The following ALDH1L1 variants were observed in gnomAD, a reference collection of about 807,000 sequenced individuals.
ALDH1L1 encodes aldehyde dehydrogenase 1 family member L1, also known as cytosolic 10-formyltetrahydrofolate dehydrogenase.
A neutral mutation model predicts 101.1 loss-of-function variants in ALDH1L1; 68 were observed. The observed-to-expected ratio is 0.67, with a 90% confidence interval of 0.55 to 0.82. The LOEUF (loss-of-function observed/expected upper bound fraction) is 0.82, where lower values mean the gene tolerates loss of function less well. Among genes scored for constraint, ALDH1L1 ranks in the 40% least tolerant of loss-of-function variants. The pLI, the probability that ALDH1L1 is intolerant of heterozygous loss-of-function variation, is 0.00. For synonymous variants in ALDH1L1, 486 were observed against 470.8 expected (o/e 1.03, Z -0.42); for missense variants, 1,087 against 1,172.7 (o/e 0.93, Z 1.07).
intron 1 of ALDH1L1, among the ~76,000 whole-genome samples, chr3:126,189,296 A>T (rs905292310): frequency 3.3e-5 from 5 of 152,214 alleles, no homozygotes; most frequent in African/African-American, 1.2e-4. Flanking sequence ...AGTAGGCATA[A>T]ACGAGGAAAA....
At chr3:126,174,765 A>C (rs1030868923) in intron 1 of ALDH1L1, among the ~76,000 whole-genome samples, 20 of 152,214 alleles carry the variant, frequency 1.3e-4, no homozygotes, top group Non-Finnish European at 2.5e-4. Flanking sequence ...GTTTAGAGGG[A>C]AATTTAGAGC....
intron 14 of ALDH1L1, chr3:126,129,952 T>C (rs541971100): frequency 3.5e-6 from 1 of 285,532 alleles, no homozygotes; most frequent in Non-Finnish European, 6.5e-6. Context: ...TTATGAACAC[T>C]GACCACCATA....
chr3:126,106,636 G>A (rs1361010351), intron 21 of ALDH1L1, among the ~76,000 whole-genome samples: 1 of 152,176 alleles, frequency 6.6e-6, no homozygotes. Context: ...GGAACCAGGT[G>A]CCTCGGCAAC....
chr3:126,163,345 T>C (rs2081100931), intron 1 of ALDH1L1, among the ~76,000 whole-genome samples: 1 of 152,218 alleles, frequency 6.6e-6, no homozygotes, highest in Non-Finnish European at 1.5e-5. Flanking sequence ...TCATACTGTG[T>C]AGATTCTTTG....
At chr3:126,181,010 G>C (rs139632792), upstream of ALDH1L1, 96 of 1,604,716 alleles carry the variant, frequency 6.0e-5, no homozygotes, top group East Asian at 1.9e-3. Context: ...GCTGCCCTCC[G>C]GGAATTTGCA....
chr3:126,105,176 G>A (rs572428273), intron 22 of ALDH1L1: 23 of 186,016 alleles, frequency 1.2e-4, no homozygotes, highest in South Asian at 2.3e-4. Context: ...GTGTTCACCC[G>A]GGGGTACATT....
intron 1 of ALDH1L1, among the ~76,000 whole-genome samples, chr3:126,172,531 G>A (rs1260430342): frequency 1.3e-5 from 2 of 152,148 alleles, no homozygotes; most frequent in Non-Finnish European, 2.9e-5. Flanking sequence ...AAACTGAAAT[G>A]CAAAGGGAAA....
intron 22 of ALDH1L1, chr3:126,104,190 A>T: frequency 3.0e-6 from 1 of 336,228 alleles, no homozygotes; most frequent in Non-Finnish European, 5.5e-6. Context: ...CTCTTCTCTC[A>T]TGGCTGCCCC....
chr3:126,160,686 GC>G (rs749463725), intron 2 of ALDH1L1, among the ~76,000 whole-genome samples, 166 bp downstream of exon 2: 3 of 152,236 alleles, frequency 2.0e-5, no homozygotes, highest in Non-Finnish European at 4.4e-5. Flanking sequence ...AAGCCCAGCA[GC>G]CTGTTGGCAC....
chr3:126,161,188 A>G (rs79370741), intron 1 of ALDH1L1, among the ~76,000 whole-genome samples, 186 bp from the exon 2 acceptor site: 100 of 152,352 alleles, frequency 6.6e-4, no homozygotes, highest in African/African-American at 2.4e-3. Context: ...ACATGTACAC[A>G]TGACCCAATG....
chr3:126,146,637 T>C (rs2080689378), intron 9 of ALDH1L1, among the ~76,000 whole-genome samples, 198 bp downstream of exon 9: 1 of 152,188 alleles, frequency 6.6e-6, no homozygotes. Context: ...CCCCTTAACA[T>C]TTGCATAAAG....
At chr3:126,171,380 C>G (rs528265339) in intron 1 of ALDH1L1, among the ~76,000 whole-genome samples, 5 of 152,112 alleles carry the variant, frequency 3.3e-5, no homozygotes, top group African/African-American at 1.2e-4. Flanking sequence ...CTCTCCCTCC[C>G]AGATAAGCAC....
upstream of ALDH1L1, among the ~76,000 whole-genome samples, chr3:126,185,011 A>G (rs2081505631): frequency 6.6e-6 from 1 of 152,114 alleles, no homozygotes; most frequent in African/African-American, 2.4e-5. Flanking sequence ...ACCTCTCCCC[A>G]GTGGGAACCA....
chr3:126,171,933 CA>C (rs2081284507), intron 1 of ALDH1L1, among the ~76,000 whole-genome samples: 1 of 152,212 alleles, frequency 6.6e-6, no homozygotes, highest in African/African-American at 2.4e-5. Flanking sequence ...AGTATAGTAA[CA>C]AGGGGATTAC....
chr3:126,180,975 C>T (rs1386863687), upstream of ALDH1L1: 1 of 1,610,580 alleles, frequency 6.2e-7, no homozygotes, highest in Non-Finnish European at 8.5e-7. Context: ...CCATGTGCTA[C>T]GGACACAGCA....
At chr3:126,122,981 C>A (rs2080107784) in intron 16 of ALDH1L1, among the ~76,000 whole-genome samples, 2 of 152,240 alleles carry the variant, frequency 1.3e-5, no homozygotes, top group Non-Finnish European at 2.9e-5. Flanking sequence ...AATGTAAAGT[C>A]TCCAGTCAAA....
chr3:126,174,935 GA>G (rs1478043265), intron 1 of ALDH1L1, among the ~76,000 whole-genome samples: 1 of 151,990 alleles, frequency 6.6e-6, no homozygotes, highest in Non-Finnish European at 1.5e-5. Flanking sequence ...TGTCAATAGA[GA>G]AAATCAACAA....
Position 126,195,291 on chromosome 3 carries a change from TAA to T in ALDH1L1, c.-24+2442_-24+2443del, listed in dbSNP as rs145544007. Among the ~76,000 whole-genome samples the T allele has an allele frequency of 4.1e-3, 620 of 152,348 alleles. 6 individuals are homozygous for T. The highest frequency in any genetic ancestry group is 0.014 in the African/African-American group (601 of 41,582). On this transcript the variant is annotated intron_variant, in intron 1 of 2. Coordinates refer to the ALDH1L1 transcript ENST00000509952. Reference sequence around the variant, plus strand: ...GCTGTTTTTATTTCCCAAAGATTACTAAAGTTATATAAACTAAGACATTACAG... The same window carrying T: ...GCTGTTTTTATTTCCCAAAGATTACTAGTTATATAAACTAAGACATTACAG...
Position 126,154,541 on chromosome 3 carries a change from T to C in ALDH1L1, c.720+13A>G. 1 of 1,613,510 alleles carries C rather than the reference T, an allele frequency of 6.2e-7. No homozygotes were observed. The highest frequency in any genetic ancestry group is 8.5e-7 in the Non-Finnish European group (1 of 1,179,436). On this transcript the variant is annotated intron_variant, in intron 6 of 22. Coordinates refer to ENST00000393434, the MANE Select transcript of ALDH1L1 (RefSeq NM_012190.4). The stretch of plus-strand genomic sequence containing the variant: ...AATGCACGTGGCTGGATTCCAGCCA[T>C]GCAGGGACACACCTGTTCACAGGCC...
Sources: allele counts gnomAD v4.1 joint callset (sites outside exome capture counted in the v4.1 genomes callset), GRCh38; gene constraint gnomAD v4.1.1; transcripts MANE v1.5; gene names NCBI Gene and HGNC (gene_info 2026-07-23, HGNC 2026-07-21).